The following TRPM3 variants were observed in gnomAD, a reference collection of about 807,000 sequenced individuals.
The protein encoded by TRPM3 is long transient receptor potential channel 3.
Under a neutral mutation model 181.2 loss-of-function variants are expected in TRPM3, and 77 were observed. The observed-to-expected ratio is 0.42, with a 90% CI of 0.35 to 0.51. The LOEUF (loss-of-function observed/expected upper bound fraction) is 0.51, where lower values mean the gene tolerates loss of function less well. Among genes scored for constraint, TRPM3 ranks in the 20% least tolerant of loss-of-function variants. The probability of loss-of-function intolerance (pLI) is 0.01; values close to 1 mark genes in which losing one functional copy is unlikely to be tolerated. For missense variants in TRPM3, 1,759 were observed against 2,196.7 expected, an observed-to-expected ratio of 0.80 and a Z score of 3.98; for synonymous variants, 745 against 796.4, an observed-to-expected ratio of 0.94 and a Z score of 1.09.
chr9:71,127,292 A>AACACACACACACACACACACAC (rs60199233), intron 1 of TRPM3, among the ~76,000 whole-genome samples: 6,064 of 143,716 alleles, frequency 0.042, 170 homozygotes, highest in South Asian at 0.079. Context: ...AGCTGACCAA[A>AACACACACACACACACACACAC]ACACACACAC....
chr9:70,982,067 A>G (rs2097369629), intron 1 of TRPM3, among the ~76,000 whole-genome samples: 1 of 152,000 alleles, frequency 6.6e-6, no homozygotes, highest in Non-Finnish European at 1.5e-5. Flanking sequence ...ATCTCACCCA[A>G]CTTCACTCCT....
chr9:70,796,646 T>G (rs769742944), intron 6 of TRPM3, among the ~76,000 whole-genome samples: 1 of 152,278 alleles, frequency 6.6e-6, no homozygotes, highest in East Asian at 1.9e-4. Flanking sequence ...AAACTTCTTA[T>G]AGTGCCTTAC....
chr9:71,082,576 T>A (rs979261464), intron 1 of TRPM3, among the ~76,000 whole-genome samples: 8 of 152,150 alleles, frequency 5.3e-5, no homozygotes, highest in African/African-American at 1.7e-4. Flanking sequence ...GTACCTTAAC[T>A]TCTCAGAACT....
chr9:71,002,478 C>A (rs994529206), intron 1 of TRPM3, among the ~76,000 whole-genome samples: 3 of 152,184 alleles, frequency 2.0e-5, no homozygotes, highest in African/African-American at 7.2e-5. Flanking sequence ...ATATGCACAA[C>A]ACAATTATTT....
At chr9:70,605,847 A>G (rs1157862137) in intron 19 of TRPM3, among the ~76,000 whole-genome samples, 1 of 152,206 alleles carries the variant, frequency 6.6e-6, no homozygotes, top group African/African-American at 2.4e-5. Context: ...ATTTTGCCCA[A>G]ATGATTGCAA....
intron 1 of TRPM3, among the ~76,000 whole-genome samples, chr9:71,097,059 C>G (rs947023361): frequency 6.6e-6 from 1 of 152,008 alleles, no homozygotes; most frequent in Non-Finnish European, 1.5e-5. Context: ...TAGCGGTTTC[C>G]TATGTCCTTC....
intron 22 of TRPM3, among the ~76,000 whole-genome samples, chr9:70,566,815 G>C (rs1320839984): frequency 6.6e-6 from 1 of 152,172 alleles, no homozygotes; most frequent in Non-Finnish European, 1.5e-5. Flanking sequence ...GAAATGGAGG[G>C]CGAAGGAAAA....
chr9:71,031,287 C>T (rs552647405), intron 1 of TRPM3, among the ~76,000 whole-genome samples: 1 of 152,158 alleles, frequency 6.6e-6, no homozygotes, highest in East Asian at 1.9e-4. Context: ...TGGTCTCTGC[C>T]CTTGCAGTGC....
intron 1 of TRPM3, among the ~76,000 whole-genome samples, chr9:71,117,614 A>G (rs570255367): frequency 6.6e-6 from 1 of 152,258 alleles, no homozygotes; most frequent in Non-Finnish European, 1.5e-5. Flanking sequence ...AATTTGCCCA[A>G]GGTCACACAG....
At chr9:71,408,978 C>T (rs192885348) in intron 1 of TRPM3, among the ~76,000 whole-genome samples, 2 of 152,292 alleles carry the variant, frequency 1.3e-5, no homozygotes, top group East Asian at 3.9e-4. Context: ...TAATTTTCAA[C>T]CCAGAATTTC....
chr9:70,903,420 C>T (rs1486389890), intron 1 of TRPM3, among the ~76,000 whole-genome samples: 1 of 152,070 alleles, frequency 6.6e-6, no homozygotes, highest in Non-Finnish European at 1.5e-5. Context: ...CATTCTAGAC[C>T]TCTTAAAGTG....
rs2091696251 is a variant in TRPM3 at position 71,352,457 on chromosome 9, T to C, written c.183+94196A>G. On this transcript the variant is annotated intron_variant, in intron 1 of 24. Transcript: ENST00000357533. ...TGAAAATGATGATTCTCTGTTTATG[T>C]TCTTTTAGAGTTACTTACTGAAAAA... Among the ~76,000 whole-genome samples the C allele has an allele frequency of 2.0e-5, 3 of 152,180 alleles. No homozygotes were observed. In the South Asian group the frequency reaches 6.2e-4, roughly 31 times the overall value.
chr9:71,039,487 A>T (rs1204673545), intron 1 of TRPM3, among the ~76,000 whole-genome samples: 2 of 152,196 alleles, frequency 1.3e-5, no homozygotes, highest in African/African-American at 4.8e-5. Context: ...CTGTACCTAG[A>T]TACTGCCAGA....
chr9:70,647,780 A>T (rs1029340878), intron 9 of TRPM3, among the ~76,000 whole-genome samples: 3 of 152,214 alleles, frequency 2.0e-5, no homozygotes, highest in African/African-American at 7.2e-5. Context: ...ATATGATTCT[A>T]TACATAGAAA....
chr9:70,765,464 G>T (rs1431639358), intron 7 of TRPM3, among the ~76,000 whole-genome samples: 2 of 152,084 alleles, frequency 1.3e-5, no homozygotes, highest in Admixed American at 1.3e-4. Flanking sequence ...GGTGGCATGT[G>T]CCTGTAATCC....
chr9:70,880,727 A>G lies in TRPM3; in HGVS notation c.178-16216T>C, dbSNP rs2095974541. Among the ~76,000 whole-genome samples the G allele has an allele frequency of 3.3e-5, 5 of 152,192 alleles. No homozygotes were observed. The South Asian group carries it at 1.0e-3, about 32-fold the overall frequency. ...ACTGCTCTGCTCATTAACATTTAAG[A>G]CCTCATTGATAGCTTCCTCATGACA... On this transcript the variant is annotated intron_variant, in intron 1 of 25. Coordinates refer to ENST00000677713, the MANE Select transcript of TRPM3 (RefSeq NM_001366145.2).
intron 6 of TRPM3, among the ~76,000 whole-genome samples, chr9:70,813,841 G>GTA (rs1238729535): frequency 6.6e-6 from 1 of 152,102 alleles, no homozygotes; most frequent in African/African-American, 2.4e-5. Flanking sequence ...AGTAATAAAG[G>GTA]TATCCCCTTA....
intron 1 of TRPM3, among the ~76,000 whole-genome samples, chr9:71,195,772 C>T (rs2078313594): frequency 6.6e-6 from 1 of 152,018 alleles, no homozygotes; most frequent in African/African-American, 2.4e-5. Context: ...GAATACTATG[C>T]AGTCATAAAA....
chr9:70,984,759 A>G (rs558997434), intron 1 of TRPM3, among the ~76,000 whole-genome samples: 2 of 152,320 alleles, frequency 1.3e-5, no homozygotes, highest in South Asian at 4.1e-4. Flanking sequence ...AGCCCTGCTG[A>G]TGCCTTCATT....
Sources: gnomAD v4.1 joint callset for allele counts (sites outside exome capture counted in the v4.1 genomes callset) on GRCh38, gnomAD v4.1.1 for gene constraint, MANE v1.5 for transcripts, NCBI Gene and HGNC (gene_info 2026-07-23, HGNC 2026-07-21) for gene names.